RAB33B: variants seen among roughly 807,000 people sequenced by gnomAD.
The protein encoded by RAB33B is ras-related protein Rab-33B.
RAB33B carries 6 observed loss-of-function variants against 15.0 expected under a neutral mutation model. That is an observed-to-expected ratio of 0.40 (90% CI 0.22 to 0.79). The LOEUF is 0.79. RAB33B is among the 30% of genes least tolerant of loss of function. RAB33B has a pLI of 0.37. For missense variants in RAB33B, 257 were observed against 296.4 expected (o/e 0.87, Z 0.98); for synonymous variants, 117 against 108.3 (o/e 1.08, Z -0.50).
At chr4:139,471,775 T>G (rs1750397077) in intron 1 of RAB33B, among the ~76,000 whole-genome samples, 1 of 152,214 alleles carries the variant, frequency 6.6e-6, no homozygotes, top group African/African-American at 2.4e-5. Context: ...TTCCTTTGAT[T>G]GCTTTTACTT....
At chr4:139,451,864 C>T (rs746863568), upstream of RAB33B, 9 of 152,190 alleles carry the variant, frequency 5.9e-5, no homozygotes, top group Non-Finnish European at 7.3e-5. Flanking sequence ...CACTTTGAGG[C>T]CAAGTGGTAG....
At chr4:139,465,257 T>C (rs1023363788) in intron 1 of RAB33B, among the ~76,000 whole-genome samples, 1 of 152,222 alleles carries the variant, frequency 6.6e-6, no homozygotes, top group African/African-American at 2.4e-5. Context: ...TCTTGTAAAT[T>C]TGTTTAAGTT....
rs1750482750 is a variant in RAB33B, at chr4:139,475,433, T to A, written c.*2307T>A. ...AGGACTTATTTTTTAACTGTAATAT[T>A]TATTAGTTTTAAAATATTTGTATCT... On this transcript the variant is annotated 3_prime_UTR_variant, in exon 2 of 2. Transcript: ENST00000305626. The A allele has an allele frequency of 6.6e-6, 1 of 151,982 alleles. No homozygotes were observed. Among genetic ancestry groups the A allele is most frequent in the Non-Finnish European group, 1.5e-5 (1 of 67,906 alleles). 9.4% of individuals were successfully genotyped at this position (151,982 alleles called of 1,614,324 possible).
the RAB33B span, among the ~76,000 whole-genome samples, chr4:139,447,186 C>T: frequency 6.6e-6 from 1 of 152,140 alleles, no homozygotes; most frequent in African/African-American, 2.4e-5. Context: ...CCATGTTCCC[C>T]CGTCATCCTG....
the RAB33B span, among the ~76,000 whole-genome samples, chr4:139,447,212 T>C: frequency 2.0e-5 from 3 of 152,308 alleles, no homozygotes; most frequent in East Asian, 3.9e-4. Flanking sequence ...GCTGGAATGA[T>C]AGAACGGAAT....
chr4:139,457,194 A>G (rs1396490992), intron 1 of RAB33B, among the ~76,000 whole-genome samples: 6 of 152,260 alleles, frequency 3.9e-5, no homozygotes, highest in African/African-American at 1.2e-4. Context: ...GAAAGCCTAT[A>G]TCTGCTAATC....
chr4:139,466,493 G>A (rs1750288240), intron 1 of RAB33B, among the ~76,000 whole-genome samples: 1 of 151,982 alleles, frequency 6.6e-6, no homozygotes, highest in African/African-American at 2.4e-5. Flanking sequence ...AGTTCCCTTG[G>A]ATAGCTTTTA....
At chr4:139,440,790 T>G in the RAB33B span, among the ~76,000 whole-genome samples, 2 of 152,172 alleles carry the variant, frequency 1.3e-5, no homozygotes, top group African/African-American at 4.8e-5. Flanking sequence ...TTTTATATTT[T>G]TCGTAGAGAC....
chr4:139,451,253 T>G (rs117354733), upstream of RAB33B: 1 of 151,846 alleles, frequency 6.6e-6, no homozygotes, highest in East Asian at 1.9e-4. Flanking sequence ...CAGGCTGGAG[T>G]GCAGCAGTGC....
the RAB33B span, among the ~76,000 whole-genome samples, chr4:139,447,743 T>C: frequency 5.5e-4 from 78 of 140,884 alleles, no homozygotes; most frequent in African/African-American, 1.7e-3. Context: ...CTCGGCTCAC[T>C]GCAAGCTCCG....
upstream of RAB33B, chr4:139,452,012 G>A (rs946067555): frequency 6.6e-6 from 1 of 152,222 alleles, no homozygotes; most frequent in Non-Finnish European, 1.5e-5. Flanking sequence ...ACATACTTCA[G>A]TCACATGAGG....
rs1311242034 is a variant in RAB33B at position 139,475,865 on chromosome 4, A to G, written c.*2739A>G. 6.6e-6 allele frequency: 1 copy of G among 152,188 alleles called. No individual in the cohort carries two copies. The highest frequency in any genetic ancestry group is 1.9e-4 in the East Asian group (1 of 5,206). The allele number at this position is 152,188 out of a possible 1,614,324, so 9.4% of individuals were successfully genotyped here. A position where few individuals can be genotyped will look rare whatever the true frequency, so the allele number is the denominator to read the frequency against. The stretch of plus-strand genomic sequence containing the variant: ...AGTAATTTTGTTGTGGAATAGTGTC[A>G]CTGTTACATTTCCCCCATGAAGTTC... On this transcript the variant is annotated 3_prime_UTR_variant, in exon 2 of 2. Coordinates refer to ENST00000305626, the MANE Select transcript of RAB33B (RefSeq NM_031296.3).
chr4:139,442,070 T>G, the RAB33B span, among the ~76,000 whole-genome samples: 2 of 152,224 alleles, frequency 1.3e-5, no homozygotes, highest in Non-Finnish European at 2.9e-5. Flanking sequence ...TGACCCAGAT[T>G]TAAGGCATTT....
chr4:139,450,830 T>TTA (rs1561000199), upstream of RAB33B: 1 of 148,716 alleles, frequency 6.7e-6, no homozygotes, highest in African/African-American at 2.5e-5. Context: ...CATATCTAGT[T>TTA]AAAAAAAAAA....
the RAB33B span, among the ~76,000 whole-genome samples, chr4:139,443,835 C>T: frequency 2.8e-4 from 42 of 152,254 alleles, 1 homozygote; most frequent in Middle Eastern, 3.4e-3. Context: ...CTACCTTTGT[C>T]GGAGGAGATA....
In RAB33B at chr4:139,465,290, C is replaced by T. The variant is rs181560911; in HGVS notation, c.250-7396C>T. Reference sequence around the variant, plus strand: ...GTTCTTTGTAGATTCTGGATATTAGCCCTTTGTCAGATGGGTAGATTGCAA... The same window carrying T: ...GTTCTTTGTAGATTCTGGATATTAGTCCTTTGTCAGATGGGTAGATTGCAA... On this transcript the variant is annotated intron_variant, in intron 1 of 1. Coordinates refer to ENST00000305626, the MANE Select transcript of RAB33B (RefSeq NM_031296.3). Among the ~76,000 whole-genome samples, 7 of 152,214 alleles carry T rather than the reference C, an allele frequency of 4.6e-5. No homozygotes were observed. In the East Asian group the frequency reaches 1.3e-3, roughly 29 times the overall value.
rs886059079 is a variant in RAB33B at position 139,473,620 on chromosome 4, A to C, written c.*494A>C. ...TGGCCTTGAGCTCCTGGGCTCAAGCAATCCTCCCACCTCAGCCTCCCCAGT... is the reference window on the plus strand; with the variant it reads ...TGGCCTTGAGCTCCTGGGCTCAAGCCATCCTCCCACCTCAGCCTCCCCAGT... On this transcript the variant is annotated 3_prime_UTR_variant, in exon 2 of 2. Transcript: ENST00000305626. The C allele has an allele frequency of 1.3e-5, 2 of 155,522 alleles. No homozygotes were observed. The highest frequency in any genetic ancestry group is 3.8e-4 in the East Asian group (2 of 5,272). 9.6% of individuals were successfully genotyped at this position (155,522 alleles called of 1,614,324 possible). A position where few individuals can be genotyped will look rare whatever the true frequency, so the allele number is the denominator to read the frequency against.
chr4:139,442,911 TCTGA>T, the RAB33B span, among the ~76,000 whole-genome samples: 1 of 152,158 alleles, frequency 6.6e-6, no homozygotes, highest in Admixed American at 6.5e-5. Flanking sequence ...TTTTGGGGTT[TCTGA>T]AGTTGGCTGC....
In RAB33B at chr4:139,454,407, G is replaced by T; in HGVS notation, c.212G>T (p.Arg71Leu). 6.2e-7 allele frequency: 1 copy of T among 1,612,428 alleles called. No individual in the cohort carries two copies. The highest frequency in any genetic ancestry group is 8.5e-7 in the Non-Finnish European group (1 of 1,180,014). The part of the protein sequence containing the change: ...RTEATIGVDF[R>L]ERAVEIDGER... ...GAGGCCACGATAGGGGTGGATTTCCGAGAACGAGCGGTGGAGATTGATGGG... is the reference window on the plus strand; with the variant it reads ...GAGGCCACGATAGGGGTGGATTTCCTAGAACGAGCGGTGGAGATTGATGGG... Residue 71 changes from arginine (R) to leucine (L), a missense_variant, in exon 1 of 2, where the codon CGA becomes CTA. By Grantham distance (102) the Arg-to-Leu change is moderately radical. Transcript: ENST00000305626.
Sources: gnomAD v4.1 joint callset for allele counts (sites outside exome capture counted in the v4.1 genomes callset) on GRCh38, gnomAD v4.1.1 for gene constraint, MANE v1.5 for transcripts, NCBI Gene and HGNC (gene_info 2026-07-23, HGNC 2026-07-21) for gene names.